Variants in SUCLA2 observed in about 807,000 individuals in gnomAD.
SUCLA2 encodes succinate--CoA ligase [ADP-forming] subunit beta, mitochondrial.
SUCLA2 carries 30 observed loss-of-function variants against 54.8 expected under a neutral mutation model. That is an observed-to-expected ratio of 0.55 (90% CI 0.41 to 0.74). The LOEUF (loss-of-function observed/expected upper bound fraction) is 0.74, where lower values mean the gene tolerates loss of function less well. Among genes scored for constraint, SUCLA2 ranks in the 30% least tolerant of loss-of-function variants. The pLI, the probability that SUCLA2 is intolerant of heterozygous loss-of-function variation, is 0.00. For missense variants in SUCLA2, 476 were observed against 562.9 expected (o/e 0.85, Z 1.56); for synonymous variants, 172 against 188.9 (o/e 0.91, Z 0.74).
At chr13:47,991,341 C>T (rs1309037266) in intron 2 of SUCLA2, among the ~76,000 whole-genome samples, 1 of 152,190 alleles carries the variant, frequency 6.6e-6, no homozygotes, top group East Asian at 1.9e-4. Context: ...TGGGCATGTT[C>T]CTGCCTTCAG....
At chr13:48,000,824 G>A in intron 1 of SUCLA2, 1 of 1,082,206 alleles carries the variant, frequency 9.2e-7, no homozygotes, top group Non-Finnish European at 1.1e-6. Context: ...AAAAAGGGGC[G>A]GCGCAAGTCT....
intron 6 of SUCLA2, among the ~76,000 whole-genome samples, chr13:47,958,478 T>A (rs1291460701): frequency 1.3e-5 from 2 of 152,186 alleles, no homozygotes; most frequent in Non-Finnish European, 2.9e-5. Flanking sequence ...AATTTTTAAG[T>A]TCATGTGAGT....
intron 2 of SUCLA2, chr13:47,991,557 C>G (rs1440903649): frequency 6.6e-6 from 1 of 152,176 alleles, no homozygotes; most frequent in Non-Finnish European, 1.5e-5. Context: ...ATGTAATTCT[C>G]TTACATATAT....
Position 47,973,329 on chromosome 13 carries a change from G to T in SUCLA2, c.598C>A (p.Pro200Thr). Residue 200 changes from proline (P) to threonine (T), a missense_variant, in exon 5 of 11, where the codon CCT (proline) becomes ACT (threonine). Pro to Thr is a conservative substitution (Grantham distance 38). Transcript: ENST00000646932. ...ATAGGTTCTTTAATTATTGCTTCAG[G>T]AGACTCAGCAGCAACATCTTCAATG... ...VNIEDVAAES[P>T]EAIIKEPIDI... 1.2e-6 allele frequency: 2 copies of T among 1,612,574 alleles called. No homozygotes were observed. The highest frequency in any genetic ancestry group is 1.7e-6 in the Non-Finnish European group (2 of 1,178,874).
chr13:47,977,526 A>G (rs1041578360), intron 4 of SUCLA2, among the ~76,000 whole-genome samples: 3 of 152,144 alleles, frequency 2.0e-5, no homozygotes, highest in African/African-American at 7.2e-5. Context: ...AAAAAACTCA[A>G]AAAATACTAG....
chr13:47,969,455 C>T (rs1475281172), intron 5 of SUCLA2, among the ~76,000 whole-genome samples: 1 of 152,204 alleles, frequency 6.6e-6, no homozygotes, highest in African/African-American at 2.4e-5. Flanking sequence ...AGTTTACAGT[C>T]TTGAGGGATT....
chr13:47,989,090 T>G lies in SUCLA2; in HGVS notation c.272-109A>C, dbSNP rs1350240214. The G allele has an allele frequency of 2.3e-5, 25 of 1,089,668 alleles. No homozygotes were observed. The East Asian group carries it at 5.7e-4, about 25-fold the overall frequency. 67.5% of individuals were successfully genotyped at this position (1,089,668 alleles called of 1,614,324 possible). A position where few individuals can be genotyped will look rare whatever the true frequency, so the allele number is the denominator to read the frequency against. ...CAGGTGTTATTAAATCAAGTCTAAT[T>G]TATTCACAATGTCCAAAAATAAGGC... On this transcript the variant is annotated intron_variant, in intron 2 of 10. Transcript: ENST00000646932.
In SUCLA2 at chr13:47,988,969, A is replaced by G; in HGVS notation, c.284T>C (p.Val95Ala). The G allele has an allele frequency of 6.2e-7, 1 of 1,613,584 alleles. No homozygotes were observed. The highest frequency in any genetic ancestry group is 1.1e-5 in the South Asian group (1 of 91,074). The change falls in exon 3 of 11, where the codon GTC (valine) becomes GCC (alanine). Residue 95 changes from valine to alanine, a missense_variant. Physicochemically the swap from Val to Ala is moderately conservative, Grantham distance 64. Transcript: ENST00000646932. ...AGCTAAAACCTGTGCCTTTATCACGACATCTTTTGAACCTAGAAGAAAAAC... is the reference window on the plus strand; with the variant it reads ...AGCTAAAACCTGTGCCTTTATCACGGCATCTTTTGAACCTAGAAGAAAAAC... The part of the protein sequence containing the change: ...AIAKKLGSKD[V>A]VIKAQVLAGG...
At chr13:47,952,542 C>A (rs1949784346) in intron 8 of SUCLA2, among the ~76,000 whole-genome samples, 1 of 152,094 alleles carries the variant, frequency 6.6e-6, no homozygotes, top group Admixed American at 6.6e-5. Flanking sequence ...CAATGATTCT[C>A]CCCAGCCCAA....
At chr13:47,995,669 A>C (rs1950185175) in intron 2 of SUCLA2, among the ~76,000 whole-genome samples, 1 of 152,224 alleles carries the variant, frequency 6.6e-6, no homozygotes, top group African/African-American at 2.4e-5. Flanking sequence ...ATCATATTTA[A>C]AGCCTATTAA....
intron 4 of SUCLA2, among the ~76,000 whole-genome samples, chr13:47,983,374 A>T (rs1566090145): frequency 1.3e-5 from 1 of 79,548 alleles, no homozygotes; most frequent in Non-Finnish European, 3.4e-5. Context: ...ATGCCACTGA[A>T]ATAGAATATA....
chr13:47,989,888 A>T (rs1353733504), intron 2 of SUCLA2, among the ~76,000 whole-genome samples: 1 of 152,234 alleles, frequency 6.6e-6, no homozygotes, highest in African/African-American at 2.4e-5. Context: ...AGATTTCAGA[A>T]TTCTATGCTT....
chr13:47,973,537 A>C, intron 4 of SUCLA2, 145 bp from the exon 5 acceptor site: 1 of 838,990 alleles, frequency 1.2e-6, no homozygotes, highest in East Asian at 2.7e-5. Flanking sequence ...ATTTATCCTC[A>C]CATCTCCAGC....
intron 4 of SUCLA2, among the ~76,000 whole-genome samples, chr13:47,979,496 G>A (rs1300461712): frequency 6.6e-6 from 1 of 152,090 alleles, no homozygotes; most frequent in Non-Finnish European, 1.5e-5. Flanking sequence ...GGGGGGTGGG[G>A]GGCTAGGGCA....
chr13:48,001,037 C>A, intron 1 of SUCLA2, 143 bp downstream of exon 1: 1 of 1,494,034 alleles, frequency 6.7e-7, no homozygotes, highest in East Asian at 2.5e-5. Flanking sequence ...GCAGCACTCC[C>A]AGGCAAGTCG....
At chr13:47,967,824 A>G (rs1394879466) in intron 6 of SUCLA2, among the ~76,000 whole-genome samples, 1 of 147,544 alleles carries the variant, frequency 6.8e-6, no homozygotes, top group East Asian at 2.0e-4. Context: ...AGTGTGGGCG[A>G]CAAAGCAAAG....
intron 5 of SUCLA2, chr13:47,971,527 A>G: frequency 4.4e-6 from 1 of 228,698 alleles, no homozygotes; most frequent in Non-Finnish European, 8.4e-6. Context: ...CACAGGCCTT[A>G]ATATTAAACT....
intron 4 of SUCLA2, among the ~76,000 whole-genome samples, chr13:47,984,040 A>T (rs1406139215): frequency 6.6e-6 from 1 of 152,238 alleles, no homozygotes; most frequent in African/African-American, 2.4e-5. Context: ...AACAATGACT[A>T]TAGTTCCACA....
intron 2 of SUCLA2, among the ~76,000 whole-genome samples, chr13:47,993,563 A>G (rs1037723177): frequency 6.6e-6 from 1 of 152,168 alleles, no homozygotes; most frequent in Non-Finnish European, 1.5e-5. Context: ...TCATCACACA[A>G]ACAGAAAATG....
Sources: allele counts gnomAD v4.1 joint callset (sites outside exome capture counted in the v4.1 genomes callset), GRCh38; gene constraint gnomAD v4.1.1; transcripts MANE v1.5; gene names NCBI Gene and HGNC (gene_info 2026-07-23, HGNC 2026-07-21).